DDX10: variants seen among roughly 807,000 people sequenced by gnomAD.
DDX10 encodes the protein DEAD-box helicase 10.
Under a neutral mutation model 104.3 loss-of-function variants are expected in DDX10, and 74 were observed. That is an observed-to-expected ratio of 0.71 (90% CI 0.59 to 0.86). The LOEUF is 0.86. Ranked by LOEUF, DDX10 falls within the 40% of genes least tolerant of loss-of-function variation. The probability of loss-of-function intolerance (pLI) is 0.00; values close to 1 mark genes in which losing one functional copy is unlikely to be tolerated. For synonymous variants in DDX10, 351 were observed against 353.4 expected, an observed-to-expected ratio of 0.99 and a Z score of 0.08; for missense variants, 952 against 1,040.0, an observed-to-expected ratio of 0.92 and a Z score of 1.16.
At chr11:108,925,803 C>T (rs1275848181) in intron 17 of DDX10, among the ~76,000 whole-genome samples, 1 of 151,232 alleles carries the variant, frequency 6.6e-6, no homozygotes, top group Non-Finnish European at 1.5e-5. Flanking sequence ...AAGATCGTAC[C>T]CATGCTTAGG....
chr11:108,764,677 A>G (rs1220799482), intron 13 of DDX10, among the ~76,000 whole-genome samples: 1 of 152,218 alleles, frequency 6.6e-6, no homozygotes, highest in Non-Finnish European at 1.5e-5. Flanking sequence ...AAGGAAAAAC[A>G]AAACAAAAAT....
chr11:108,779,167 C>T (rs559536610), intron 13 of DDX10, among the ~76,000 whole-genome samples: 2 of 152,288 alleles, frequency 1.3e-5, no homozygotes, highest in Admixed American at 6.5e-5. Context: ...TACCATTTGA[C>T]CCAGCCATCC....
intron 13 of DDX10, among the ~76,000 whole-genome samples, chr11:108,745,756 T>C (rs372945337): frequency 3.9e-5 from 6 of 152,340 alleles, no homozygotes; most frequent in African/African-American, 9.6e-5. Flanking sequence ...TGAATTTTTA[T>C]TGGCAAGATG....
At position 108,917,895 on chromosome 11, in the gene DDX10, T is replaced by G. The variant is rs1250084932; in HGVS notation, c.2327T>G (p.Phe776Cys). The G allele has an allele frequency of 6.2e-7, 1 of 1,611,756 alleles. No individual in the cohort carries two copies. Among genetic ancestry groups the G allele is most frequent in the African/African-American group, 1.3e-5 (1 of 74,796 alleles). ...TAGGCCAAAGATGAAGAGGAAGCCT[T>G]TCTGGATTGGAGTGATGATGATGAT... is the stretch of plus-strand genomic sequence containing the variant. ...QAKAKDEEEA[F>C]LDWSDDDDDD... Residue 776 changes from phenylalanine to cysteine, a missense_variant, in exon 17 of 18, where the codon TTT becomes TGT. By Grantham distance (205) the Phe-to-Cys change is radical. This residue lies in a region of DDX10 where 533 missense variants were observed against 534.1 expected (regional missense o/e 1.00). Coordinates refer to ENST00000322536, the MANE Select transcript of DDX10 (RefSeq NM_004398.4).
chr11:108,902,397 T>G (rs1863528074), intron 16 of DDX10, among the ~76,000 whole-genome samples: 1 of 152,152 alleles, frequency 6.6e-6, no homozygotes, highest in African/African-American at 2.4e-5. Context: ...GTGAAGTTGG[T>G]TCTTCATGAC....
chr11:108,907,168 C>T (rs1863606785), intron 16 of DDX10, among the ~76,000 whole-genome samples: 1 of 151,292 alleles, frequency 6.6e-6, no homozygotes, highest in Non-Finnish European at 1.5e-5. Flanking sequence ...TCAAATATCC[C>T]CATTGTTTTG....
At chr11:108,675,859 A>C in intron 3 of DDX10, 133 bp downstream of exon 3, 2 of 1,143,044 alleles carry the variant, frequency 1.7e-6, no homozygotes. Flanking sequence ...GAGCTTCATC[A>C]AACAGGAGCC....
intron 16 of DDX10, among the ~76,000 whole-genome samples, chr11:108,890,138 T>C (rs1276790335): frequency 1.3e-5 from 2 of 152,198 alleles, no homozygotes; most frequent in Admixed American, 1.3e-4. Flanking sequence ...TCTGAGTATT[T>C]GGTAGTTTTA....
At chr11:108,878,277 T>C (rs1426149637) in intron 16 of DDX10, among the ~76,000 whole-genome samples, 1 of 152,208 alleles carries the variant, frequency 6.6e-6, no homozygotes, top group Non-Finnish European at 1.5e-5. Flanking sequence ...AAAAGGCAAC[T>C]CAGCTGAGAT....
chr11:108,770,360 A>G (rs190559444), intron 13 of DDX10, among the ~76,000 whole-genome samples: 91 of 152,200 alleles, frequency 6.0e-4, no homozygotes, highest in Admixed American at 1.4e-3. Context: ...TCACCCTATT[A>G]TGCTATCAAA....
In DDX10 at chr11:108,716,288, C is replaced by T. The variant is rs529185907; in HGVS notation, c.1410+322C>T. ...TAATTTTTTTGTATTGTAGTAGAGA[C>T]AGGGTTTTCTCCATGTTGCCCAGAG... is the stretch of plus-strand genomic sequence containing the variant. On this transcript the variant is annotated intron_variant, in intron 11 of 17. Coordinates refer to ENST00000322536, the MANE Select transcript of DDX10 (RefSeq NM_004398.4). 1.2e-4 allele frequency among the ~76,000 whole-genome samples: 19 copies of T among 152,204 alleles called. No individual in the cohort carries two copies. The South Asian group carries it at 3.7e-3, about 30-fold the overall frequency.
chr11:108,686,369 C>T (rs1476894664), intron 6 of DDX10, among the ~76,000 whole-genome samples: 4 of 152,158 alleles, frequency 2.6e-5, no homozygotes, highest in African/African-American at 9.7e-5. Flanking sequence ...TATTCACTGC[C>T]CTGAAAGTCC....
chr11:108,917,954 C>A lies in DDX10; in HGVS notation c.2386C>A (p.Pro796Thr). ...TGATGGATTTGATCCAAGCACACTC[C>A]CAGATCCAGATAAATACAGAAGCTC... ...DDDGFDPSTL[P>T]DPDKYRSSED... Residue 796 changes from proline (P) to threonine (T), a missense_variant, in exon 17 of 18, where the codon CCA becomes ACA. Coordinates refer to ENST00000322536, the MANE Select transcript of DDX10 (RefSeq NM_004398.4). 1.2e-6 allele frequency: 2 copies of A among 1,613,288 alleles called. No individual in the cohort carries two copies. Among genetic ancestry groups the A allele is most frequent in the Non-Finnish European group, 1.7e-6 (2 of 1,179,912 alleles).
chr11:108,788,374 T>A (rs1793236943), intron 13 of DDX10, among the ~76,000 whole-genome samples: 1 of 152,112 alleles, frequency 6.6e-6, no homozygotes, highest in Admixed American at 6.5e-5. Context: ...TTTTTTTTTC[T>A]TTTTTGAGCT....
intron 6 of DDX10, among the ~76,000 whole-genome samples, chr11:108,681,366 A>T (rs541173831): frequency 6.6e-6 from 1 of 152,334 alleles, no homozygotes; most frequent in East Asian, 1.9e-4. Flanking sequence ...TGGAAGGTAG[A>T]CATGTATTGA....
chr11:108,855,786 T>G (rs1862860242), intron 16 of DDX10, among the ~76,000 whole-genome samples: 1 of 152,116 alleles, frequency 6.6e-6, no homozygotes. Flanking sequence ...AACAAAAGTC[T>G]GAGGCTGATG....
rs544238806 is a variant in DDX10 at position 108,739,366 on chromosome 11, G to A, written c.1965+15904G>A. 7.2e-5 allele frequency among the ~76,000 whole-genome samples: 11 copies of A among 152,336 alleles called. No individual in the cohort carries two copies. In the South Asian group the frequency reaches 2.3e-3, roughly 32 times the overall value. On this transcript the variant is annotated intron_variant, in intron 13 of 17. Coordinates refer to ENST00000322536, the MANE Select transcript of DDX10 (RefSeq NM_004398.4). ...TGATAAGACCCTAAATTAGTGGGCA[G>A]TTAGCTTTTCTGGGGCTAAGTATTC...
intron 13 of DDX10, among the ~76,000 whole-genome samples, chr11:108,774,497 G>C (rs894567259): frequency 6.6e-6 from 1 of 152,070 alleles, no homozygotes; most frequent in Non-Finnish European, 1.5e-5. Context: ...ATTATTTTTA[G>C]CTGGAAATAT....
intron 5 of DDX10, 149 bp from the exon 6 acceptor site, chr11:108,679,222 A>C: frequency 3.0e-6 from 2 of 659,044 alleles, no homozygotes; most frequent in Non-Finnish European, 5.1e-6. Context: ...ACATTGCTAC[A>C]TCATATAAAT....
Sources: gnomAD v4.1 joint callset for allele counts (sites outside exome capture counted in the v4.1 genomes callset) on GRCh38, gnomAD v4.1.1 for gene constraint, gnomAD v4.1.1 regional missense constraint, MANE v1.5 for transcripts, NCBI Gene and HGNC (gene_info 2026-07-23, HGNC 2026-07-21) for gene names.